The following AOAH variants were observed in gnomAD, a reference collection of about 807,000 sequenced individuals.
AOAH encodes the protein acyloxyacyl hydrolase, also known as acyloxyacyl hydrolase (neutrophil).
In AOAH, 64 loss-of-function variants were observed where a neutral mutation model predicts 92.2. The observed-to-expected ratio is 0.69, with a 90% CI of 0.57 to 0.86. The LOEUF (loss-of-function observed/expected upper bound fraction) is 0.86, where lower values mean the gene tolerates loss of function less well. Ranked by LOEUF, AOAH falls within the 40% of genes least tolerant of loss-of-function variation. The pLI is 0.00. For missense variants in AOAH, 656 were observed against 694.6 expected (o/e 0.94, Z 0.62); for synonymous variants, 263 against 254.5 (o/e 1.03, Z -0.32).
chr7:36,654,784 C>T (rs1794779439), intron 4 of AOAH, among the ~76,000 whole-genome samples: 1 of 152,158 alleles, frequency 6.6e-6, no homozygotes, highest in Admixed American at 6.5e-5. Flanking sequence ...GTGACAACAC[C>T]TACGGAGTCT....
At chr7:36,550,922 C>T (rs1279167972) in intron 13 of AOAH, among the ~76,000 whole-genome samples, 1 of 152,166 alleles carries the variant, frequency 6.6e-6, no homozygotes, top group African/African-American at 2.4e-5. Flanking sequence ...AGCTGTGTAG[C>T]TATGCAATGA....
chr7:36,578,373 T>C (rs1005402858), intron 12 of AOAH, among the ~76,000 whole-genome samples: 5 of 152,124 alleles, frequency 3.3e-5, no homozygotes, highest in African/African-American at 9.7e-5. Context: ...CTAAATTCTA[T>C]GAAGAAAGGA....
At chr7:36,548,892 A>C (rs1014796693) in intron 14 of AOAH, among the ~76,000 whole-genome samples, 2 of 152,238 alleles carry the variant, frequency 1.3e-5, no homozygotes, top group Admixed American at 6.5e-5. Context: ...TGCCTATTAG[A>C]GAAAGGCCAC....
intron 1 of AOAH, among the ~76,000 whole-genome samples, chr7:36,709,722 G>A (rs1049720691): frequency 6.6e-6 from 1 of 151,908 alleles, no homozygotes; most frequent in African/African-American, 2.4e-5. Context: ...TTCAGGCAAG[G>A]ATTTTCCTAA....
chr7:36,552,945 C>T (rs1253244548), intron 13 of AOAH, among the ~76,000 whole-genome samples: 1 of 151,536 alleles, frequency 6.6e-6, no homozygotes, highest in Non-Finnish European at 1.5e-5. Context: ...GGTGTATATG[C>T]ACCACATTTT....
intron 18 of AOAH, among the ~76,000 whole-genome samples, chr7:36,531,788 C>A (rs865907928): frequency 4.6e-5 from 7 of 152,170 alleles, no homozygotes; most frequent in African/African-American, 1.7e-4. Context: ...TAGGGGCCAA[C>A]CTCAATCAGC....
At chr7:36,556,194 C>G (rs1387414861) in intron 13 of AOAH, among the ~76,000 whole-genome samples, 2 of 152,032 alleles carry the variant, frequency 1.3e-5, no homozygotes, top group African/African-American at 2.4e-5. Flanking sequence ...TCTTTGTTCT[C>G]GTTGGTTTCA....
At chr7:36,708,948 G>C (rs745421674) in intron 1 of AOAH, among the ~76,000 whole-genome samples, 4 of 152,136 alleles carry the variant, frequency 2.6e-5, no homozygotes, top group Non-Finnish European at 5.9e-5. Context: ...GTGTGAGCTA[G>C]GGAATATATT....
At chr7:36,654,681 T>G (rs1306206547) in intron 4 of AOAH, among the ~76,000 whole-genome samples, 3 of 152,164 alleles carry the variant, frequency 2.0e-5, no homozygotes, top group Non-Finnish European at 4.4e-5. Context: ...TATATTGTAC[T>G]AGAGTCTGAA....
intron 4 of AOAH, among the ~76,000 whole-genome samples, chr7:36,655,560 T>A (rs1237061725): frequency 2.6e-5 from 4 of 152,178 alleles, no homozygotes; most frequent in African/African-American, 7.2e-5. Context: ...GAAAGGCTTT[T>A]GGAAGGTCCT....
intron 5 of AOAH, among the ~76,000 whole-genome samples, chr7:36,637,559 G>C (rs1377203904): frequency 6.6e-6 from 1 of 151,910 alleles, no homozygotes; most frequent in African/African-American, 2.4e-5. Flanking sequence ...GCATCTAGTA[G>C]GTAGAAGCCA....
At chr7:36,677,217 A>G (rs1796306416) in intron 2 of AOAH, among the ~76,000 whole-genome samples, 1 of 152,218 alleles carries the variant, frequency 6.6e-6, no homozygotes, top group Non-Finnish European at 1.5e-5. Context: ...TAGAATATAT[A>G]AAGGACTATT....
intron 10 of AOAH, among the ~76,000 whole-genome samples, chr7:36,617,012 A>C (rs895969777): frequency 2.0e-5 from 3 of 152,178 alleles, no homozygotes; most frequent in African/African-American, 7.2e-5. Flanking sequence ...GGAGGTTCAC[A>C]ATCACTTCAT....
intron 1 of AOAH, among the ~76,000 whole-genome samples, chr7:36,696,025 C>T (rs950521912): frequency 6.6e-6 from 1 of 152,126 alleles, no homozygotes; most frequent in Non-Finnish European, 1.5e-5. Context: ...ATTCCATAAC[C>T]ATTTGTTAAA....
chr7:36,515,650 CCACA>C (rs1311116552), intron 20 of AOAH, among the ~76,000 whole-genome samples: 2 of 128,364 alleles, frequency 1.6e-5, no homozygotes, highest in African/African-American at 3.0e-5. Context: ...CACACCAACA[CCACA>C]CACACACCAC....
chr7:36,619,651 C>T (rs575973942), intron 9 of AOAH, among the ~76,000 whole-genome samples: 2 of 152,224 alleles, frequency 1.3e-5, no homozygotes, highest in African/African-American at 4.8e-5. Context: ...TGGGCTGGGG[C>T]ACAGCTGTCT....
intron 13 of AOAH, among the ~76,000 whole-genome samples, chr7:36,561,884 C>T (rs1450315715): frequency 1.3e-5 from 2 of 152,146 alleles, no homozygotes; most frequent in Non-Finnish European, 2.9e-5. Context: ...CGCTCACACC[C>T]CTGGGTCCCT....
At chr7:36,609,145 T>A (rs1308412334) in intron 11 of AOAH, among the ~76,000 whole-genome samples, 2 of 152,158 alleles carry the variant, frequency 1.3e-5, no homozygotes, top group Non-Finnish European at 2.9e-5. Context: ...TCATAAAGTA[T>A]ACGGGATGGG....
intron 2 of AOAH, among the ~76,000 whole-genome samples, chr7:36,679,899 G>A (rs1383407058): frequency 2.0e-5 from 3 of 152,172 alleles, no homozygotes; most frequent in African/African-American, 2.4e-5. Context: ...CTTGTGATCC[G>A]CCCGCCTTGG....
Sources: allele counts gnomAD v4.1 joint callset (sites outside exome capture counted in the v4.1 genomes callset), GRCh38; gene constraint gnomAD v4.1.1; transcripts MANE v1.5; gene names NCBI Gene and HGNC (gene_info 2026-07-23, HGNC 2026-07-21).